KCTD16: variants seen among roughly 807,000 people sequenced by gnomAD.
The protein encoded by KCTD16 is BTB/POZ domain-containing protein KCTD16.
KCTD16 carries 13 observed loss-of-function variants against 33.2 expected under a neutral mutation model. The ratio of observed to expected loss-of-function variants is 0.39; its 90% CI spans 0.25 to 0.62. KCTD16 has a LOEUF of 0.62. KCTD16 is among the 20% of genes least tolerant of loss of function. KCTD16 has a pLI of 0.50. For synonymous variants in KCTD16, 197 were observed against 195.3 expected (o/e 1.01, Z -0.07); for missense variants, 441 against 525.1 (o/e 0.84, Z 1.57).
intron 3 of KCTD16, 63 bp downstream of exon 3, chr5:144,207,609 T>C (rs889215854): frequency 5.1e-6 from 6 of 1,167,254 alleles, no homozygotes; most frequent in Non-Finnish European, 7.4e-6. Context: ...ATGTATATGG[T>C]CTGTGTGTTC....
chr5:144,426,093 G>A (rs1176540787), intron 3 of KCTD16, among the ~76,000 whole-genome samples: 3 of 152,084 alleles, frequency 2.0e-5, no homozygotes, highest in Non-Finnish European at 4.4e-5. Flanking sequence ...ACTGTATGCA[G>A]CTAAAACCAG....
chr5:144,293,641 G>A (rs1250357644), intron 3 of KCTD16, among the ~76,000 whole-genome samples: 2 of 152,102 alleles, frequency 1.3e-5, no homozygotes, highest in Non-Finnish European at 2.9e-5. Flanking sequence ...AACCTACTTA[G>A]TAGACTGCAT....
chr5:144,209,106 G>A (rs1753284301), intron 3 of KCTD16, among the ~76,000 whole-genome samples: 1 of 152,140 alleles, frequency 6.6e-6, no homozygotes, highest in African/African-American at 2.4e-5. Flanking sequence ...ATGCAGCTTT[G>A]TAATATTTAC....
At chr5:144,388,228 C>G (rs7700284) in intron 3 of KCTD16, among the ~76,000 whole-genome samples, 8,415 of 151,158 alleles carry the variant, frequency 0.056, 767 homozygotes, top group African/African-American at 0.19. Flanking sequence ...TACAGGCGCC[C>G]GCCACCACGC....
At chr5:144,296,924 G>A (rs572669836) in intron 3 of KCTD16, among the ~76,000 whole-genome samples, 34 of 152,280 alleles carry the variant, frequency 2.2e-4, no homozygotes, top group Non-Finnish European at 4.9e-4. Context: ...TTTCACATCT[G>A]TCTATTTAAT....
chr5:144,227,076 T>A (rs992583185), intron 3 of KCTD16, among the ~76,000 whole-genome samples: 1 of 152,234 alleles, frequency 6.6e-6, no homozygotes, highest in African/African-American at 2.4e-5. Context: ...GGAGCTTATA[T>A]CCTAGGATGT....
chr5:144,197,575 G>A (rs557347107), intron 2 of KCTD16, among the ~76,000 whole-genome samples: 2 of 152,300 alleles, frequency 1.3e-5, no homozygotes, highest in African/African-American at 2.4e-5. Flanking sequence ...ACTGAACTGC[G>A]ATTGGGGATA....
intron 3 of KCTD16, among the ~76,000 whole-genome samples, chr5:144,238,726 G>A (rs2126819420): frequency 6.6e-6 from 1 of 152,202 alleles, no homozygotes; most frequent in African/African-American, 2.4e-5. Flanking sequence ...ATATGGAAAA[G>A]GGATGCTGTA....
chr5:144,457,466 G>A (rs1224495898), intron 3 of KCTD16, among the ~76,000 whole-genome samples: 1 of 152,166 alleles, frequency 6.6e-6, no homozygotes, highest in Non-Finnish European at 1.5e-5. Context: ...CCAGGTTAAG[G>A]GAGGAGGGGG....
In KCTD16 at chr5:144,475,067, T is replaced by A. The variant is rs1377181421; in HGVS notation, c.*953T>A. The A allele has an allele frequency of 6.6e-6, 1 of 152,200 alleles. No individual in the cohort carries two copies. Among genetic ancestry groups the A allele is most frequent in the Non-Finnish European group, 1.5e-5 (1 of 68,038 alleles). The allele number at this position is 152,200 out of a possible 1,614,324, so 9.4% of individuals were successfully genotyped here. ...TGAATTATCACCCTTTTCTCCATGTTTTCAGAGTTCTTACTGCCCACAGTT... is the reference window on the plus strand; with the variant it reads ...TGAATTATCACCCTTTTCTCCATGTATTCAGAGTTCTTACTGCCCACAGTT... On this transcript the variant is annotated 3_prime_UTR_variant, in exon 4 of 4. Coordinates refer to ENST00000512467, the MANE Select transcript of KCTD16 (RefSeq NM_020768.4).
In KCTD16 at chr5:144,203,745, G is replaced by A. The variant is rs182494917; in HGVS notation, c.-326-2644G>A. 5.3e-3 allele frequency among the ~76,000 whole-genome samples: 802 copies of A among 152,194 alleles called. 2 individuals carry two copies. The highest frequency in any genetic ancestry group is 9.7e-3 in the Non-Finnish European group (658 of 68,002). On this transcript the variant is annotated intron_variant, in intron 2 of 3. Coordinates refer to ENST00000512467, the MANE Select transcript of KCTD16 (RefSeq NM_020768.4). Reference sequence around the variant, plus strand: ...TACAACCAAAACCAGTACTTAATAGGTCTGAATTCAGATTTATTTTGTCTT... The same window carrying A: ...TACAACCAAAACCAGTACTTAATAGATCTGAATTCAGATTTATTTTGTCTT...
chr5:144,271,494 T>G (rs1755292831), intron 3 of KCTD16, among the ~76,000 whole-genome samples: 1 of 151,724 alleles, frequency 6.6e-6, no homozygotes. Context: ...TAGAAGGAAA[T>G]TACCTCAACA....
intron 3 of KCTD16, among the ~76,000 whole-genome samples, chr5:144,429,835 A>G (rs1401278201): frequency 6.6e-6 from 1 of 152,140 alleles, no homozygotes; most frequent in East Asian, 1.9e-4. Flanking sequence ...CAAGGAAGTT[A>G]CATCCTGTCA....
intron 3 of KCTD16, among the ~76,000 whole-genome samples, chr5:144,316,638 G>T (rs568884297): frequency 6.7e-6 from 1 of 148,788 alleles, no homozygotes; most frequent in Non-Finnish European, 1.5e-5. Flanking sequence ...TCAGCCTCCT[G>T]AGTAGCTGGG....
intron 2 of KCTD16, among the ~76,000 whole-genome samples, chr5:144,197,358 A>G (rs1752958577): frequency 6.6e-6 from 1 of 152,158 alleles, no homozygotes; most frequent in Admixed American, 6.5e-5. Context: ...ATTCATAAAC[A>G]TTTCACTTTT....
chr5:144,232,802 A>G (rs1754142833), intron 3 of KCTD16, among the ~76,000 whole-genome samples: 1 of 152,230 alleles, frequency 6.6e-6, no homozygotes, highest in Non-Finnish European at 1.5e-5. Context: ...TGTCAAAAAT[A>G]TTCAACATAC....
chr5:144,264,321 C>T (rs1034441120), intron 3 of KCTD16, among the ~76,000 whole-genome samples: 1 of 152,106 alleles, frequency 6.6e-6, no homozygotes, highest in Admixed American at 6.5e-5. Flanking sequence ...GGGACAAACA[C>T]ATTTGATATA....
At chr5:144,234,823 T>A (rs1014176382) in intron 3 of KCTD16, among the ~76,000 whole-genome samples, 4 of 152,046 alleles carry the variant, frequency 2.6e-5, no homozygotes, top group Non-Finnish European at 4.4e-5. Context: ...TGTATATATG[T>A]GTGTGTGTAT....
chr5:144,381,077 G>T (rs1040140880), intron 3 of KCTD16, among the ~76,000 whole-genome samples: 2 of 152,158 alleles, frequency 1.3e-5, no homozygotes, highest in Non-Finnish European at 2.9e-5. Flanking sequence ...CTAATATCCT[G>T]AATCTATAAG....
Sources: gnomAD v4.1 joint callset for allele counts (sites outside exome capture counted in the v4.1 genomes callset) on GRCh38, gnomAD v4.1.1 for gene constraint, MANE v1.5 for transcripts, NCBI Gene and HGNC (gene_info 2026-07-23, HGNC 2026-07-21) for gene names.